CDH9: variants seen among roughly 807,000 people sequenced by gnomAD.
The protein encoded by CDH9 is cadherin 9.
Under a neutral mutation model 70.9 loss-of-function variants are expected in CDH9, and 28 were observed. The observed-to-expected ratio is 0.40, with a 90% CI of 0.29 to 0.54. The LOEUF (loss-of-function observed/expected upper bound fraction) is 0.54. Among genes scored for constraint, CDH9 ranks in the 20% least tolerant of loss-of-function variants. CDH9 has a pLI of 0.59. For missense variants in CDH9, 874 were observed against 984.4 expected, an observed-to-expected ratio of 0.89 and a Z score of 1.50; for synonymous variants, 409 against 343.1, an observed-to-expected ratio of 1.19 and a Z score of -2.12.
rs759858123 is a variant in CDH9 at position 26,906,028 on chromosome 5, G to C, written c.742C>G (p.Leu248Val). 3 of 1,613,362 alleles carry C rather than the reference G, an allele frequency of 1.9e-6. No homozygotes were observed. Among genetic ancestry groups the C allele is most frequent in the Non-Finnish European group, 2.5e-6 (3 of 1,179,462 alleles). ...ATGTTCACTGTGGTGGTTCCAGAAA[G>C]GCCTCCCATCTGGCCACCCATGTCT... ...AKDMGGQMGG[L>V]SGTTTVNITL... Residue 248 changes from leucine to valine, a missense_variant, in exon 5 of 12, where the codon CTT becomes GTT. Physicochemically the swap from Leu to Val is conservative, Grantham distance 32 (BLOSUM62 1). Coordinates refer to ENST00000231021, the MANE Select transcript of CDH9 (RefSeq NM_016279.4).
intron 7 of CDH9, among the ~76,000 whole-genome samples, chr5:26,897,478 A>G (rs112218140): frequency 3.3e-5 from 5 of 152,312 alleles, no homozygotes; most frequent in African/African-American, 1.2e-4. Context: ...ACCACGATCA[A>G]GTTGGCTTCA....
At chr5:26,947,312 T>C (rs1371627915) in intron 2 of CDH9, among the ~76,000 whole-genome samples, 1 of 152,116 alleles carries the variant, frequency 6.6e-6, no homozygotes, top group African/African-American at 2.4e-5. Context: ...TAGAAAGAAA[T>C]ATAAATGTGA....
intron 1 of CDH9, among the ~76,000 whole-genome samples, chr5:27,029,653 G>GACATA (rs1743277421): frequency 6.6e-6 from 1 of 151,856 alleles, no homozygotes; most frequent in South Asian, 2.1e-4. Flanking sequence ...GTAAGGCAAT[G>GACATA]ACATAATCAG....
chr5:26,918,534 A>C (rs555276084), intron 2 of CDH9, among the ~76,000 whole-genome samples: 1 of 152,358 alleles, frequency 6.6e-6, no homozygotes, highest in Admixed American at 6.5e-5. Flanking sequence ...ACATAAAATC[A>C]GATCATAAAT....
chr5:27,022,983 T>C (rs991025378), intron 1 of CDH9, among the ~76,000 whole-genome samples: 1 of 151,958 alleles, frequency 6.6e-6, no homozygotes, highest in African/African-American at 2.4e-5. Context: ...ATTACAAAAG[T>C]GGTTGAAAGT....
At position 26,890,559 on chromosome 5, in the gene CDH9, G is replaced by C; in HGVS notation, c.1259C>G (p.Ser420Cys). Residue 420 changes from serine (S) to cysteine (C), a missense_variant, in exon 8 of 12, where the codon TCT (serine) becomes TGT (cysteine). Transcript: ENST00000231021. ...GTCCATATCAGTATGCCGATCAACA[G>C]AGTACCTGGCAGAAGACAGACTCAT... ...PDARNNLIKY[S>C]VDRHTDMDRI... 6.2e-7 allele frequency: 1 copy of C among 1,605,310 alleles called. No individual in the cohort carries two copies.
At chr5:27,038,289 A>T (rs1054989678) in intron 1 of CDH9, among the ~76,000 whole-genome samples, 174 bp downstream of exon 1, 3 of 151,982 alleles carry the variant, frequency 2.0e-5, no homozygotes, top group African/African-American at 7.2e-5. Context: ...CTGAGCATGT[A>T]AACATTTTAC....
intron 1 of CDH9, among the ~76,000 whole-genome samples, chr5:26,998,413 T>C (rs1339678659): frequency 6.6e-6 from 1 of 151,856 alleles, no homozygotes; most frequent in Non-Finnish European, 1.5e-5. Flanking sequence ...AAATGATGAG[T>C]TCATGTCCTT....
At chr5:26,900,689 G>T (rs768686010) in intron 7 of CDH9, among the ~76,000 whole-genome samples, 11 of 152,144 alleles carry the variant, frequency 7.2e-5, no homozygotes, top group Non-Finnish European at 1.5e-4. Context: ...ATGTGTGATT[G>T]CACTGAAACA....
At position 26,993,098 on chromosome 5, in the gene CDH9, T is replaced by A. The variant is rs1742607804; in HGVS notation, c.-49-4716A>T. Among the ~76,000 whole-genome samples the A allele has an allele frequency of 1.2e-4, 12 of 100,932 alleles. No homozygotes were observed. In the South Asian group the frequency reaches 2.4e-3, roughly 20 times the overall value. 66.2% of individuals were successfully genotyped at this position (100,932 alleles called of 152,430 possible). A position where few individuals can be genotyped will look rare whatever the true frequency, so the allele number is the denominator to read the frequency against. ...CCTGGGCAACAAGGGTGAAACTCCG[T>A]CTCCAAAAAAAAAAAAAAAAAGCAT... On this transcript the variant is annotated intron_variant, in intron 1 of 11. Coordinates refer to ENST00000231021, the MANE Select transcript of CDH9 (RefSeq NM_016279.4).
At chr5:27,018,478 G>A (rs978557171) in intron 1 of CDH9, among the ~76,000 whole-genome samples, 81 of 151,708 alleles carry the variant, frequency 5.3e-4, no homozygotes, top group Non-Finnish European at 1.1e-3. Flanking sequence ...CTATTAGTAA[G>A]TTCAACTTCT....
intron 2 of CDH9, among the ~76,000 whole-genome samples, chr5:26,924,679 T>G: frequency 6.6e-6 from 1 of 152,032 alleles, no homozygotes; most frequent in East Asian, 1.9e-4. Flanking sequence ...GGTGTTTCTC[T>G]TAATGCTATC....
At chr5:26,931,124 A>C (rs1451645648) in intron 2 of CDH9, among the ~76,000 whole-genome samples, 3 of 152,184 alleles carry the variant, frequency 2.0e-5, no homozygotes, top group Non-Finnish European at 4.4e-5. Context: ...CACTGTTTTT[A>C]GAAATTGGAC....
intron 2 of CDH9, among the ~76,000 whole-genome samples, chr5:26,964,781 C>G (rs1742100369): frequency 6.8e-6 from 1 of 146,620 alleles, no homozygotes; most frequent in Non-Finnish European, 1.5e-5. Context: ...CCCACCTGCC[C>G]CACCCCCACC....
At chr5:26,882,724 T>C (rs1039658732) in intron 11 of CDH9, among the ~76,000 whole-genome samples, 1 of 152,018 alleles carries the variant, frequency 6.6e-6, no homozygotes, top group Non-Finnish European at 1.5e-5. Context: ...TTTAGGGTTC[T>C]TAACTGTTTG....
chr5:27,024,403 A>T (rs1743188137), intron 1 of CDH9, among the ~76,000 whole-genome samples: 1 of 152,068 alleles, frequency 6.6e-6, no homozygotes, highest in Non-Finnish European at 1.5e-5. Context: ...ATCAAGTAAA[A>T]TCCCAGTCAG....
At chr5:26,994,368 C>T (rs1364819383) in intron 1 of CDH9, among the ~76,000 whole-genome samples, 1 of 152,072 alleles carries the variant, frequency 6.6e-6, no homozygotes, top group African/African-American at 2.4e-5. Context: ...AATTCATATG[C>T]TAAAATCTTA....
chr5:26,960,389 T>A (rs1050355642), intron 2 of CDH9, among the ~76,000 whole-genome samples: 4 of 152,042 alleles, frequency 2.6e-5, no homozygotes, highest in Admixed American at 2.6e-4. Context: ...CATAAAACTT[T>A]CCAATCACTA....
At chr5:27,025,829 T>C (rs1053192122) in intron 1 of CDH9, among the ~76,000 whole-genome samples, 2 of 151,948 alleles carry the variant, frequency 1.3e-5, no homozygotes, top group African/African-American at 4.8e-5. Context: ...TCAATCCATT[T>C]AACAGAATTA....
Sources: gnomAD v4.1 joint callset for allele counts (sites outside exome capture counted in the v4.1 genomes callset) on GRCh38, gnomAD v4.1.1 for gene constraint, MANE v1.5 for transcripts, NCBI Gene and HGNC (gene_info 2026-07-23, HGNC 2026-07-21) for gene names.